The following PSMF1 variants were observed in gnomAD, a reference collection of about 807,000 sequenced individuals.
PSMF1 encodes proteasome inhibitor subunit 1.
A neutral mutation model predicts 29.3 loss-of-function variants in PSMF1; 30 were observed. The ratio of observed to expected loss-of-function variants is 1.02; its 90% CI spans 0.77 to 1.39. The LOEUF is 1.39. Among genes scored for constraint, PSMF1 ranks in the 40% most tolerant of loss-of-function variants. PSMF1 has a pLI of 0.00. For missense variants in PSMF1, 344 were observed against 357.5 expected, an observed-to-expected ratio of 0.96 and a Z score of 0.31; for synonymous variants, 134 against 139.7, an observed-to-expected ratio of 0.96 and a Z score of 0.29.
chr20:1,154,612 C>T (rs190869757), intron 4 of PSMF1, among the ~76,000 whole-genome samples: 1 of 152,314 alleles, frequency 6.6e-6, no homozygotes, highest in African/African-American at 2.4e-5. Flanking sequence ...AGTCTACCCC[C>T]AAATCAGCAG....
rs2086783423 is a variant in PSMF1, at chr20:1,170,893, G to A, written c.*5813G>A. Among the ~76,000 whole-genome samples the A allele has an allele frequency of 1.3e-5, 2 of 152,124 alleles. No individual in the cohort carries two copies. Among genetic ancestry groups the A allele is most frequent in the East Asian group, 1.9e-4 (1 of 5,178 alleles). ...ACAGCGTGCTAGGCTTCTCCTCATC[G>A]CATGTAGTACCCCTGACAACCCCAA... On this transcript the variant is annotated 3_prime_UTR_variant, in exon 7 of 7. Transcript: ENST00000335877.
chr20:1,135,371 A>C (rs890088950), intron 4 of PSMF1, 65 bp downstream of exon 4: 8 of 1,474,358 alleles, frequency 5.4e-6, no homozygotes, highest in African/African-American at 1.4e-5. Flanking sequence ...AGCTATCCCC[A>C]TCCTGCCACT....
chr20:1,159,844 G>C (rs963716159), intron 4 of PSMF1, among the ~76,000 whole-genome samples: 1 of 152,166 alleles, frequency 6.6e-6, no homozygotes, highest in Non-Finnish European at 1.5e-5. Flanking sequence ...AGCCCATCAG[G>C]TGGAACTGAC....
intron 4 of PSMF1, among the ~76,000 whole-genome samples, chr20:1,159,057 C>CAA (rs759292496): frequency 1.4e-5 from 1 of 69,920 alleles, no homozygotes. Context: ...CTCCGTCTCA[C>CAA]AAAAAAAAAA....
chr20:1,125,594 A>G lies in PSMF1; in HGVS notation c.226A>G (p.Arg76Gly). 1 of 1,614,174 alleles carries G rather than the reference A, an allele frequency of 6.2e-7. No homozygotes were observed. The highest frequency in any genetic ancestry group is 8.5e-7 in the Non-Finnish European group (1 of 1,179,996). ...CCGGTATGAGTATAAGGATGGGTCC[A>G]GAAAGCTCCTTGTGAAAGCCATCAC... ...VLRYEYKDGS[R>G]KLLVKAITVE... is the part of the protein sequence containing the mutation. The change falls in exon 2 of 7, where the codon AGA (arginine) becomes GGA (glycine). Residue 76 changes from arginine (R) to glycine (G), a missense_variant. Coordinates refer to ENST00000335877, the MANE Select transcript of PSMF1 (RefSeq NM_006814.5).
At chr20:1,160,605 C>G in intron 4 of PSMF1, 1 of 498,306 alleles carries the variant, frequency 2.0e-6, no homozygotes, top group South Asian at 1.5e-5. Flanking sequence ...GATCACCATA[C>G]TCGTCATTGA....
At chr20:1,114,158 G>A (rs537351368), upstream of PSMF1, among the ~76,000 whole-genome samples, 21 of 152,326 alleles carry the variant, frequency 1.4e-4, no homozygotes, top group Admixed American at 1.3e-3. Context: ...CAGGACCCCA[G>A]AAGCAGCTCT....
rs768178021 is a variant in PSMF1, at chr20:1,118,844, G to T, written c.71G>T (p.Cys24Phe). ...ACCTGCAGGCAGGACGCGCTCGTCT[G>T]CTTCTTGCATTGGGAAGTGGTGACA... ...AITCRQDALV[C>F]FLHWEVVTHG... Residue 24 changes from cysteine (C) to phenylalanine (F), a missense_variant, in exon 1 of 7, where the codon TGC becomes TTC. Physicochemically the swap from Cys to Phe is radical, Grantham distance 205 (BLOSUM62 -2). Coordinates refer to ENST00000335877, the MANE Select transcript of PSMF1 (RefSeq NM_006814.5). The T allele has an allele frequency of 6.2e-7, 1 of 1,613,974 alleles. No homozygotes were observed. The highest frequency in any genetic ancestry group is 1.1e-5 in the South Asian group (1 of 91,086).
At position 1,132,020 on chromosome 20, in the gene PSMF1, T is replaced by G. The variant is rs1333493957; in HGVS notation, c.366-3101T>G. Among the ~76,000 whole-genome samples, 6 of 152,212 alleles carry G rather than the reference T, an allele frequency of 3.9e-5. No homozygotes were observed. The South Asian group carries it at 1.0e-3, about 26-fold the overall frequency. On this transcript the variant is annotated intron_variant, in intron 3 of 6. Coordinates refer to ENST00000335877, the MANE Select transcript of PSMF1 (RefSeq NM_006814.5). ...CCAATGGCCCCAACATCATTTGTTA[T>G]TCCTTCATTGAATTACTTTTGAAAC...
At chr20:1,138,893 G>A (rs1034214537) in intron 4 of PSMF1, among the ~76,000 whole-genome samples, 2 of 152,064 alleles carry the variant, frequency 1.3e-5, no homozygotes, top group South Asian at 4.1e-4. Flanking sequence ...GCAATAGGAG[G>A]GGCCAGGCAT....
chr20:1,122,431 G>T (rs1568463181), intron 1 of PSMF1, among the ~76,000 whole-genome samples: 2 of 151,564 alleles, frequency 1.3e-5, no homozygotes, highest in African/African-American at 2.4e-5. Context: ...TCAGTAGCTG[G>T]GATTACAGGT....
At position 1,118,708 on chromosome 20, in the gene PSMF1, C is replaced by T; in HGVS notation, c.-66C>T. ...AGCAGAGTTATAGCTACCCCGGCCG[C>T]GGAGCCGGCTCACTGCACTACCCCC... On this transcript the variant is annotated 5_prime_UTR_variant, in exon 1 of 7. Coordinates refer to ENST00000335877, the MANE Select transcript of PSMF1 (RefSeq NM_006814.5). 6.5e-7 allele frequency: 1 copy of T among 1,531,646 alleles called. No individual in the cohort carries two copies. Among genetic ancestry groups the T allele is most frequent in the Non-Finnish European group, 8.9e-7 (1 of 1,128,914 alleles). 94.9% of individuals were successfully genotyped at this position (1,531,646 alleles called of 1,614,324 possible). A position where few individuals can be genotyped will look rare whatever the true frequency, so the allele number is the denominator to read the frequency against.
chr20:1,113,445 A>AACACACACAC (rs58779664), intron 1 of PSMF1: 8,513 of 114,362 alleles, frequency 0.074, 484 homozygotes, highest in East Asian at 0.16. Context: ...GATCAGGGGC[A>AACACACACAC]ACACACACAC....
At chr20:1,133,569 A>ATATATATATATTTTTTTTTTTTT in intron 3 of PSMF1, among the ~76,000 whole-genome samples, 20 of 53,276 alleles carry the variant, frequency 3.8e-4, no homozygotes, top group South Asian at 1.4e-3. Flanking sequence ...ATATATATAT[A>ATATATATATATTTTTTTTTTTTT]TTTTTTTTTT....
rs2086702148 is a variant in PSMF1 at position 1,164,353 on chromosome 20, G to A, written c.641G>A (p.Arg214Lys). The A allele has an allele frequency of 6.2e-7, 1 of 1,614,062 alleles. No homozygotes were observed. Among genetic ancestry groups the A allele is most frequent in the Non-Finnish European group, 8.5e-7 (1 of 1,179,950 alleles). Residue 214 changes from arginine to lysine, a missense_variant, in exon 6 of 7, where the codon AGA becomes AAA. By Grantham distance (26) the Arg-to-Lys change is conservative. Coordinates refer to ENST00000335877, the MANE Select transcript of PSMF1 (RefSeq NM_006814.5). This position sits in a 1 kb window ranked among gnomAD's most constrained non-coding sequence, Gnocchi z 4.1. The stretch of plus-strand genomic sequence containing the variant: ...GGTGGCATGATTGTGGATCCCCTGA[G>A]ATCTGGCTTCCCAAGAGCACTTATT... ...RRGGMIVDPLRSGFPRALIDP... is the reference protein window; with the variant it reads ...RRGGMIVDPLKSGFPRALIDP...
Position 1,166,914 on chromosome 20 carries a change from A to G in PSMF1, c.*1834A>G, listed in dbSNP as rs1202198990. The G allele has an allele frequency of 6.6e-6, 1 of 152,276 alleles. No individual in the cohort carries two copies. The highest frequency in any genetic ancestry group is 1.5e-5 in the Non-Finnish European group (1 of 68,060). The allele number at this position is 152,276 out of a possible 1,614,324, so 9.4% of individuals were successfully genotyped here. On this transcript the variant is annotated 3_prime_UTR_variant, in exon 7 of 7. Coordinates refer to ENST00000335877, the MANE Select transcript of PSMF1 (RefSeq NM_006814.5). ...TAGAGACCATCAGATAGAAGCAGGG[A>G]AGGTAGATAACTTTTAGGACCTTGA...
chr20:1,148,636 A>C (rs2086486893), intron 4 of PSMF1, among the ~76,000 whole-genome samples: 1 of 152,140 alleles, frequency 6.6e-6, no homozygotes, highest in South Asian at 2.1e-4. Flanking sequence ...GCCAAACATA[A>C]CTCTTTTAGT....
chr20:1,152,318 G>A (rs938298803), intron 4 of PSMF1, among the ~76,000 whole-genome samples: 1 of 152,214 alleles, frequency 6.6e-6, no homozygotes, highest in African/African-American at 2.4e-5. Context: ...ATGAGCATTG[G>A]AGCAGGATTC....
intron 4 of PSMF1, chr20:1,161,156 G>A: frequency 5.6e-6 from 2 of 356,988 alleles, no homozygotes; most frequent in Non-Finnish European, 5.4e-6. Flanking sequence ...TTCTCACAGA[G>A]TACGACTACA....
Sources: allele counts gnomAD v4.1 joint callset (sites outside exome capture counted in the v4.1 genomes callset), GRCh38; gene constraint gnomAD v4.1.1; non-coding constraint Gnocchi (gnomAD v3.1); transcripts MANE v1.5; gene names NCBI Gene and HGNC (gene_info 2026-07-23, HGNC 2026-07-21).